The following TRUB1 variants were observed in gnomAD, a reference collection of about 807,000 sequenced individuals.
TRUB1 encodes TruB pseudouridine synthase family member 1, also known as pseudouridylate synthase TRUB1.
In TRUB1, 23 loss-of-function variants were observed where a neutral mutation model predicts 33.9. The ratio of observed to expected loss-of-function variants is 0.68; its 90% CI spans 0.49 to 0.96. The LOEUF is 0.96. TRUB1 is among the 40% of genes least tolerant of loss of function. TRUB1 has a pLI of 0.00. For missense variants in TRUB1, 378 were observed against 422.2 expected (o/e 0.90, Z 0.92); for synonymous variants, 163 against 165.4 (o/e 0.99, Z 0.11).
Position 114,977,175 on chromosome 10 carries a change from C to T in TRUB1, c.*1796C>T, listed in dbSNP as rs1197837183. The T allele has an allele frequency of 6.6e-6, 1 of 151,940 alleles. No homozygotes were observed. The highest frequency in any genetic ancestry group is 2.4e-5 in the African/African-American group (1 of 41,374). The allele number at this position is 151,940 out of a possible 1,614,324, so 9.4% of individuals were successfully genotyped here. ...TTTATGTTTAAAACTGAAGTTTTGC[C>T]AAATGGGAAAATTACTGTTACCTCT... On this transcript the variant is annotated 3_prime_UTR_variant, in exon 8 of 8. Coordinates refer to ENST00000298746, the MANE Select transcript of TRUB1 (RefSeq NM_139169.5).
Position 114,938,409 on chromosome 10 carries a change from C to A in TRUB1, c.156C>A (p.Ser52=). The A allele has an allele frequency of 6.2e-7, 1 of 1,602,082 alleles. No homozygotes were observed. Among genetic ancestry groups the A allele is most frequent in the South Asian group, 1.1e-5 (1 of 89,974 alleles). Reference sequence around the variant, plus strand: ...TTGCGGCCGCGGCCAGGACCGGATCCGAAGCCAGGGTCTCCAAGGCCGCTT... The same window carrying A: ...TTGCGGCCGCGGCCAGGACCGGATCAGAAGCCAGGGTCTCCAAGGCCGCTT... ...AVVAAAARTG[S]EARVSKAALA... is the part of the protein sequence containing the mutation. The change falls in exon 1 of 8, where the codon TCC becomes TCA. Residue 52 remains serine (S), a synonymous_variant. Coordinates refer to ENST00000298746, the MANE Select transcript of TRUB1 (RefSeq NM_139169.5).
intron 5 of TRUB1, among the ~76,000 whole-genome samples, chr10:114,970,874 C>T (rs2084333935): frequency 6.6e-6 from 1 of 152,198 alleles, no homozygotes; most frequent in Non-Finnish European, 1.5e-5. Context: ...TCTTTTGCTT[C>T]ACTATTCTCT....
At chr10:114,946,814 C>T (rs2084213562) in intron 2 of TRUB1, among the ~76,000 whole-genome samples, 1 of 152,006 alleles carries the variant, frequency 6.6e-6, no homozygotes, top group African/African-American at 2.4e-5. Context: ...AATTCTATAG[C>T]ATAATTGCTA....
intron 3 of TRUB1, among the ~76,000 whole-genome samples, chr10:114,954,213 G>T (rs917551784): frequency 6.6e-6 from 1 of 152,112 alleles, no homozygotes; most frequent in Non-Finnish European, 1.5e-5. Flanking sequence ...ATGGAGTTAC[G>T]TCAAGAGTAG....
At chr10:114,967,538 T>G (rs905068675) in intron 4 of TRUB1, among the ~76,000 whole-genome samples, 2 of 152,236 alleles carry the variant, frequency 1.3e-5, no homozygotes, top group Non-Finnish European at 2.9e-5. Flanking sequence ...TGATCTTGTA[T>G]ATATTCATTT....
rs1592055745 is a variant in TRUB1 at position 114,975,329 on chromosome 10, A to G, written c.1000A>G (p.Ile334Val). Residue 334 changes from isoleucine (I) to valine (V), a missense_variant, in exon 8 of 8, where the codon ATA becomes GTA. Physicochemically the swap from Ile to Val is conservative, Grantham distance 29. Coordinates refer to ENST00000298746, the MANE Select transcript of TRUB1 (RefSeq NM_139169.5). Reference sequence around the variant, plus strand: ...TGAACAGGTTTTGAGCTGTGAATATATAACTCTAAATGAGCCAAAGAGAGA... The same window carrying G: ...TGAACAGGTTTTGAGCTGTGAATATGTAACTCTAAATGAGCCAAAGAGAGA... ...SNEQVLSCEY[I>V]TLNEPKREDD... 1.2e-6 allele frequency: 2 copies of G among 1,610,512 alleles called. No individual in the cohort carries two copies. The highest frequency in any genetic ancestry group is 1.7e-6 in the Non-Finnish European group (2 of 1,177,986).
chr10:114,965,545 T>A (rs1405546741), intron 4 of TRUB1, among the ~76,000 whole-genome samples: 1 of 152,208 alleles, frequency 6.6e-6, no homozygotes, highest in East Asian at 1.9e-4. Flanking sequence ...TGTCCTGGAC[T>A]GGCTTTGATA....
intron 5 of TRUB1, among the ~76,000 whole-genome samples, chr10:114,971,392 G>A (rs2084336075): frequency 6.6e-6 from 1 of 152,020 alleles, no homozygotes; most frequent in Non-Finnish European, 1.5e-5. Flanking sequence ...GTCAGGGTAA[G>A]TTTCTGACTT....
rs765949483 is a variant in TRUB1, at chr10:114,974,363, C to G, written c.771C>G (p.Ser257Arg). 6.2e-7 allele frequency: 1 copy of G among 1,612,626 alleles called. No individual in the cohort carries two copies. Among genetic ancestry groups the G allele is most frequent in the Non-Finnish European group, 8.5e-7 (1 of 1,179,056 alleles). The change falls in exon 7 of 8, where the codon AGC (serine) becomes AGG (arginine). Residue 257 changes from serine (S) to arginine (R), a missense_variant. Ser to Arg is a moderately radical substitution (Grantham distance 110). Transcript: ENST00000298746. ...VECGGGFYIRSLVSDIGKELS... is the reference protein window; with the variant it reads ...VECGGGFYIRRLVSDIGKELS... ...GTGGAGGAGGTTTTTATATCAGAAG[C>G]TTGGTCAGTGACATTGGAAAAGGTA...
At chr10:114,958,384 T>A (rs896965194) in intron 3 of TRUB1, among the ~76,000 whole-genome samples, 4 of 152,200 alleles carry the variant, frequency 2.6e-5, no homozygotes, top group African/African-American at 7.2e-5. Context: ...TATTTATTTT[T>A]AAAAAATCTG....
At chr10:114,969,788 G>T (rs528407151) in intron 4 of TRUB1, among the ~76,000 whole-genome samples, 46 of 150,794 alleles carry the variant, frequency 3.1e-4, no homozygotes, top group African/African-American at 9.7e-4. Flanking sequence ...AGGCTGGGGC[G>T]GGGGGACAGA....
chr10:114,946,189 C>G (rs1360714884), intron 2 of TRUB1, among the ~76,000 whole-genome samples: 1 of 152,032 alleles, frequency 6.6e-6, no homozygotes, highest in East Asian at 1.9e-4. Context: ...AAGAAAATCT[C>G]GTAACTTCAC....
At chr10:114,946,968 A>G (rs184222950) in intron 2 of TRUB1, among the ~76,000 whole-genome samples, 3 of 152,280 alleles carry the variant, frequency 2.0e-5, no homozygotes, top group Middle Eastern at 3.4e-3. Flanking sequence ...TGATGTTGCT[A>G]ATCAGCTGAC....
intron 2 of TRUB1, among the ~76,000 whole-genome samples, chr10:114,945,161 C>T (rs2084206139): frequency 6.6e-6 from 1 of 152,184 alleles, no homozygotes; most frequent in Admixed American, 6.5e-5. Flanking sequence ...TGTTCACTGT[C>T]ATAGAATTAG....
chr10:114,961,007 G>A (rs940394959), intron 4 of TRUB1, among the ~76,000 whole-genome samples: 3 of 152,120 alleles, frequency 2.0e-5, no homozygotes, highest in Non-Finnish European at 4.4e-5. Flanking sequence ...TGGGTACCAC[G>A]TGGTGAAAAA....
chr10:114,957,326 G>A (rs1274290634), intron 3 of TRUB1, among the ~76,000 whole-genome samples: 2 of 152,194 alleles, frequency 1.3e-5, no homozygotes, highest in Non-Finnish European at 2.9e-5. Flanking sequence ...GTCTGTTGTT[G>A]CCATTATATC....
chr10:114,975,571 T>G lies in TRUB1; in HGVS notation c.*192T>G, dbSNP rs2084356980. On this transcript the variant is annotated 3_prime_UTR_variant, in exon 8 of 8. Transcript: ENST00000298746. ...CATTATAAATGGCCTTGCAGTTGGC[T>G]CAGTTGTTTGTTGTGTTGTGAAATG... is the stretch of plus-strand genomic sequence containing the variant. The G allele has an allele frequency of 2.1e-6, 1 of 481,068 alleles. No homozygotes were observed. Among genetic ancestry groups the G allele is most frequent in the South Asian group, 5.0e-5 (1 of 20,000 alleles). 29.8% of individuals were successfully genotyped at this position (481,068 alleles called of 1,614,324 possible). A position where few individuals can be genotyped will look rare whatever the true frequency, so the allele number is the denominator to read the frequency against.
chr10:114,958,882 C>T (rs1036380163), intron 3 of TRUB1, among the ~76,000 whole-genome samples: 1 of 152,194 alleles, frequency 6.6e-6, no homozygotes, highest in African/African-American at 2.4e-5. Context: ...GTAATCCTAG[C>T]ACTTTGGCTT....
At position 114,942,724 on chromosome 10, in the gene TRUB1, C is replaced by T. The variant is rs371039652; in HGVS notation, c.366C>T (p.Ser122=). 5.1e-5 allele frequency: 82 copies of T among 1,613,152 alleles called. No individual in the cohort carries two copies. The highest frequency in any genetic ancestry group is 4.9e-4 in the African/African-American group (37 of 75,006). ...LKIGHGGTLD[S]AARGVLVVGI... is the part of the protein sequence containing the mutation. ...TTGGGCATGGAGGGACTCTAGACAGCGCAGCCCGAGGAGTTCTGGGTAAGA... is the reference window on the plus strand; with the variant it reads ...TTGGGCATGGAGGGACTCTAGACAGTGCAGCCCGAGGAGTTCTGGGTAAGA... Residue 122 remains serine, a synonymous_variant, in exon 2 of 8, where the codon AGC becomes AGT. Coordinates refer to ENST00000298746, the MANE Select transcript of TRUB1 (RefSeq NM_139169.5).
Sources: allele counts gnomAD v4.1 joint callset (sites outside exome capture counted in the v4.1 genomes callset), GRCh38; gene constraint gnomAD v4.1.1; transcripts MANE v1.5; gene names NCBI Gene and HGNC (gene_info 2026-07-23, HGNC 2026-07-21).